Variants in ANO4 observed in about 807,000 individuals in gnomAD.
ANO4 encodes the protein anoctamin 4.
Under a neutral mutation model 141.9 loss-of-function variants are expected in ANO4, and 69 were observed. That is an observed-to-expected ratio of 0.49 (90% CI 0.40 to 0.59). The LOEUF is 0.59. Among genes scored for constraint, ANO4 ranks in the 20% least tolerant of loss-of-function variants. The pLI is 0.00. For synonymous variants in ANO4, 350 were observed against 394.3 expected, an observed-to-expected ratio of 0.89 and a Z score of 1.33; for missense variants, 894 against 1,162.2, an observed-to-expected ratio of 0.77 and a Z score of 3.36.
chr12:100,911,896 G>A (rs1034502392), intron 2 of ANO4, among the ~76,000 whole-genome samples: 3 of 152,110 alleles, frequency 2.0e-5, no homozygotes, highest in Admixed American at 6.5e-5. Context: ...TTAGAATAAC[G>A]ATCATAATAC....
intron 1 of ANO4, among the ~76,000 whole-genome samples, chr12:100,827,255 T>C (rs913561673): frequency 6.6e-6 from 1 of 152,066 alleles, no homozygotes; most frequent in African/African-American, 2.4e-5. Context: ...CACCCAATTA[T>C]GTTTTTGCTT....
chr12:100,977,626 A>G (rs921812697), intron 7 of ANO4, among the ~76,000 whole-genome samples: 6 of 152,118 alleles, frequency 3.9e-5, no homozygotes, highest in African/African-American at 9.7e-5. Flanking sequence ...CTAAAAGTCT[A>G]TATATTACTC....
chr12:100,922,555 A>G (rs553176270), intron 3 of ANO4, among the ~76,000 whole-genome samples: 5 of 152,306 alleles, frequency 3.3e-5, no homozygotes, highest in East Asian at 1.9e-4. Flanking sequence ...TGAAAAAGCT[A>G]TAACGGAATG....
At chr12:100,781,527 T>C (rs538014358) in intron 3 of ANO4, among the ~76,000 whole-genome samples, 1 of 152,346 alleles carries the variant, frequency 6.6e-6, no homozygotes, top group African/African-American at 2.4e-5. Context: ...TAGTCTGATT[T>C]AAGTCTGTAA....
chr12:100,920,219 G>A (rs1405544104), intron 2 of ANO4, among the ~76,000 whole-genome samples: 2 of 152,046 alleles, frequency 1.3e-5, no homozygotes, highest in Admixed American at 1.3e-4. Flanking sequence ...ATCTCCAATA[G>A]CCTGTGTTTG....
chr12:100,806,544 T>G (rs2035058765), intron 1 of ANO4, among the ~76,000 whole-genome samples: 1 of 62,606 alleles, frequency 1.6e-5, no homozygotes, highest in Admixed American at 1.7e-4. Flanking sequence ...TTTTTTTTTT[T>G]TTTTTTTTTT....
intron 3 of ANO4, among the ~76,000 whole-genome samples, chr12:100,769,726 C>A (rs1231826417): frequency 6.6e-6 from 1 of 152,128 alleles, no homozygotes; most frequent in East Asian, 1.9e-4. Context: ...TCTAATATGA[C>A]CTCTACTTCT....
intron 1 of ANO4, among the ~76,000 whole-genome samples, chr12:100,877,354 ATAT>A (rs572178781): frequency 1.1e-3 from 163 of 151,194 alleles, no homozygotes; most frequent in African/African-American, 3.7e-3. Context: ...ATAATATATG[ATAT>A]TATATATATA....
intron 14 of ANO4, among the ~76,000 whole-genome samples, chr12:101,053,112 G>A (rs1294863386): frequency 6.6e-6 from 1 of 152,172 alleles, no homozygotes; most frequent in Non-Finnish European, 1.5e-5. Context: ...TATTAAAGAA[G>A]CGTTGATAAT....
chr12:101,098,239 G>C (rs1044580486), intron 21 of ANO4, among the ~76,000 whole-genome samples: 1 of 152,054 alleles, frequency 6.6e-6, no homozygotes, highest in Non-Finnish European at 1.5e-5. Context: ...CTGACCTTTC[G>C]GGCTCCAGCA....
chr12:100,852,855 C>T (rs1330590393), intron 1 of ANO4, among the ~76,000 whole-genome samples: 1 of 152,120 alleles, frequency 6.6e-6, no homozygotes, highest in Non-Finnish European at 1.5e-5. Flanking sequence ...CTAAAACTGT[C>T]AGTTACCACT....
At chr12:101,023,482 G>C (rs2046614882) in intron 9 of ANO4, among the ~76,000 whole-genome samples, 1 of 152,076 alleles carries the variant, frequency 6.6e-6, no homozygotes, top group Admixed American at 6.5e-5. Flanking sequence ...ACCAGCCTGA[G>C]CATAATGGTG....
chr12:100,805,491 G>A (rs1190947940), intron 1 of ANO4, among the ~76,000 whole-genome samples: 1 of 152,196 alleles, frequency 6.6e-6, no homozygotes, highest in Non-Finnish European at 1.5e-5. Flanking sequence ...TGTGAAGAAT[G>A]TCAATGGTAG....
chr12:101,074,941 C>A (rs1186353421), intron 14 of ANO4, among the ~76,000 whole-genome samples: 1 of 152,164 alleles, frequency 6.6e-6, no homozygotes, highest in Non-Finnish European at 1.5e-5. Context: ...ATAAAGACAA[C>A]TAAGATACAG....
At chr12:100,823,955 C>T (rs971277714) in intron 1 of ANO4, among the ~76,000 whole-genome samples, 10 of 152,028 alleles carry the variant, frequency 6.6e-5, no homozygotes, top group Non-Finnish European at 1.3e-4. Context: ...AGTAACCAGT[C>T]AGCCAATAGG....
chr12:100,971,558 C>T (rs927812937), intron 6 of ANO4, 152 bp downstream of exon 6: 1 of 507,486 alleles, frequency 2.0e-6, no homozygotes, highest in Non-Finnish European at 3.3e-6. Flanking sequence ...AATAAGCCTT[C>T]ATGGCCAATA....
chr12:100,772,470 CAT>C (rs2135555267), intron 3 of ANO4, among the ~76,000 whole-genome samples: 2 of 152,250 alleles, frequency 1.3e-5, no homozygotes, highest in African/African-American at 4.8e-5. Flanking sequence ...ACACAGACGA[CAT>C]GTGATTCCCA....
chr12:100,993,553 G>A (rs1311526290), intron 8 of ANO4, among the ~76,000 whole-genome samples: 1 of 152,092 alleles, frequency 6.6e-6, no homozygotes, highest in Admixed American at 6.6e-5. Context: ...AAGTTTACTT[G>A]TTCACAGCAC....
At chr12:101,043,704 ACT>A (rs1405461830) in intron 13 of ANO4, 69 bp downstream of exon 13, 2 of 1,138,150 alleles carry the variant, frequency 1.8e-6, no homozygotes, top group South Asian at 1.3e-5. Context: ...ATGGTGGGTA[ACT>A]CTATTCTGTC....
Sources: allele counts gnomAD v4.1 joint callset (sites outside exome capture counted in the v4.1 genomes callset), GRCh38; gene constraint gnomAD v4.1.1; transcripts MANE v1.5; gene names NCBI Gene and HGNC (gene_info 2026-07-23, HGNC 2026-07-21).